Variants in TOR2A observed in about 807,000 individuals in gnomAD.
TOR2A encodes prosalusin.
In TOR2A, 24 loss-of-function variants were observed where a neutral mutation model predicts 28.6. The observed-to-expected ratio is 0.84, with a 90% CI of 0.61 to 1.18. TOR2A has a LOEUF of 1.18. Among genes scored for constraint, TOR2A ranks in the 50% most tolerant of loss-of-function variants. The pLI, the probability that TOR2A is intolerant of heterozygous loss-of-function variation, is 0.00. For missense variants in TOR2A, 426 were observed against 448.1 expected, an observed-to-expected ratio of 0.95 and a Z score of 0.45; for synonymous variants, 203 against 203.1, an observed-to-expected ratio of 1.00 and a Z score of 0.00.
rs1402331715 is a variant in TOR2A, at chr9:127,734,280, A to C, written c.417+19T>G. 1.3e-6 allele frequency: 2 copies of C among 1,558,968 alleles called. No individual in the cohort carries two copies. The highest frequency in any genetic ancestry group is 1.7e-6 in the Non-Finnish European group (2 of 1,149,710). Reference sequence around the variant, plus strand: ...GCACCCCATGGTGAGAACAGTGGTCAAGGACGCATCCAGCCTACCTTGTAG... The same window carrying C: ...GCACCCCATGGTGAGAACAGTGGTCCAGGACGCATCCAGCCTACCTTGTAG... On this transcript the variant is annotated intron_variant, in intron 2 of 4. Transcript: ENST00000373284.
chr9:127,733,167 C>T (rs763481194), intron 3 of TOR2A: 6 of 1,558,200 alleles, frequency 3.9e-6, no homozygotes, highest in East Asian at 2.3e-5. Context: ...AAAGAAGTGG[C>T]GATCAAAAAG....
At chr9:127,732,498 C>T (rs1159749916) in intron 4 of TOR2A, 66 bp downstream of exon 4, 27 of 1,500,222 alleles carry the variant, frequency 1.8e-5, no homozygotes, top group South Asian at 2.6e-5. Context: ...CATGAGACCC[C>T]GGGAGAGCCT....
intron 2 of TOR2A, chr9:127,733,796 G>C (rs1844570942): frequency 1.8e-6 from 1 of 567,068 alleles, no homozygotes; most frequent in Non-Finnish European, 3.1e-6. Flanking sequence ...TCCCTGTTCA[G>C]AGCTCCTTCC....
At chr9:127,732,511 C>G in intron 4 of TOR2A, 53 bp downstream of exon 4, 1 of 1,525,730 alleles carries the variant, frequency 6.6e-7, no homozygotes, top group Non-Finnish European at 8.8e-7. Context: ...GAGAGCCTGG[C>G]CCCTGGGTGT....
Position 127,735,113 on chromosome 9 carries a change from G to A in TOR2A, c.151+7C>T. The A allele has an allele frequency of 6.8e-7, 1 of 1,469,046 alleles. No homozygotes were observed. The highest frequency in any genetic ancestry group is 2.4e-5 in the Admixed American group (1 of 41,928). The allele number at this position is 1,469,046 out of a possible 1,614,324, so 91.0% of individuals were successfully genotyped here. On this transcript the variant is annotated splice_region_variant and intron_variant, in intron 1 of 4. Coordinates refer to ENST00000373284, the MANE Select transcript of TOR2A (RefSeq NM_001085347.3). ...CGCCCCTCGCTCCGGGCTCCCTGGC[G>A]CCTCACCCGGCAAGTCGGGCCGGAA...
At chr9:127,734,246 C>T in intron 2 of TOR2A, 53 bp downstream of exon 2, 1 of 1,523,214 alleles carries the variant, frequency 6.6e-7, no homozygotes, top group Non-Finnish European at 8.8e-7. Flanking sequence ...GGACTTACTC[C>T]CTAGGGTGGC....
At position 127,732,237 on chromosome 9, in the gene TOR2A, C is replaced by A; in HGVS notation, c.763G>T (p.Asp255Tyr). Residue 255 changes from aspartate (D) to tyrosine (Y), a missense_variant, in exon 5 of 5, where the codon GAC becomes TAC. Physicochemically the swap from Asp to Tyr is radical, Grantham distance 160. Coordinates refer to ENST00000373284, the MANE Select transcript of TOR2A (RefSeq NM_001085347.3). ...AGCGGGAGGAAGGGCACCACTGCGT[C>A]TAGGAGGCGCTCTTCCATGATGCCC... ...NSGIMEERLL[D>Y]AVVPFLPLQR... is the part of the protein sequence containing the mutation. 1.3e-6 allele frequency: 2 copies of A among 1,597,260 alleles called. No homozygotes were observed. The highest frequency in any genetic ancestry group is 1.7e-6 in the Non-Finnish European group (2 of 1,169,110).
rs560339925 is a variant in TOR2A at position 127,735,291 on chromosome 9, T to C, written c.-21A>G. ...GCCATCCGGGTGAGGCCCGAGCTCG[T>C]TGTGGGGCAGTCAACTGCCTCGCCC... On this transcript the variant is annotated 5_prime_UTR_variant, in exon 1 of 5. Coordinates refer to ENST00000373284, the MANE Select transcript of TOR2A (RefSeq NM_001085347.3). The C allele has an allele frequency of 2.9e-4, 397 of 1,366,100 alleles. No individual in the cohort carries two copies. In the African/African-American group the frequency reaches 5.6e-3, roughly 19 times the overall value. 84.6% of individuals were successfully genotyped at this position (1,366,100 alleles called of 1,614,324 possible).
At chr9:127,733,897 G>T in intron 2 of TOR2A, 2 of 418,940 alleles carry the variant, frequency 4.8e-6, no homozygotes, top group East Asian at 8.0e-5. Flanking sequence ...TGATCAGCCT[G>T]GTGGGTACCC....
chr9:127,731,719 T>G lies in TOR2A; in HGVS notation c.*315A>C. ...CGACCAAGGAGGCAAGGGGCAAGGG[T>G]GGCAGACTGAGGAGGGAGCACCGCC... On this transcript the variant is annotated 3_prime_UTR_variant, in exon 5 of 5. Coordinates refer to ENST00000373284, the MANE Select transcript of TOR2A (RefSeq NM_001085347.3). The G allele has an allele frequency of 1.5e-6, 1 of 660,908 alleles. No individual in the cohort carries two copies. The highest frequency in any genetic ancestry group is 2.4e-6 in the Non-Finnish European group (1 of 422,704). The allele number at this position is 660,908 out of a possible 1,614,324, so 40.9% of individuals were successfully genotyped here. A position where few individuals can be genotyped will look rare whatever the true frequency, so the allele number is the denominator to read the frequency against.
intron 4 of TOR2A, 32 bp downstream of exon 4, chr9:127,732,532 T>A: frequency 6.5e-7 from 1 of 1,549,988 alleles, no homozygotes; most frequent in Non-Finnish European, 8.7e-7. Flanking sequence ...GGGGTGAAGC[T>A]GCCCGGGAGG....
chr9:127,733,770 A>C, intron 2 of TOR2A: 1 of 577,524 alleles, frequency 1.7e-6, no homozygotes, highest in Non-Finnish European at 3.0e-6. Context: ...AGGGACTCAA[A>C]CCCAAGCCTC....
intron 2 of TOR2A, 142 bp downstream of exon 2, chr9:127,734,157 T>G: frequency 2.7e-6 from 3 of 1,128,156 alleles, no homozygotes; most frequent in South Asian, 1.9e-5. Context: ...CCTTCCCAAG[T>G]TCTGTGCAGG....
Position 127,733,017 on chromosome 9 carries a change from G to A in TOR2A, c.594-326C>T, listed in dbSNP as rs576769169. The stretch of plus-strand genomic sequence containing the variant: ...GCAGAGACAGAGGCTCAGAGAGGCG[G>A]AGCCATGCTGCCTGAGGAAACACAG... On this transcript the variant is annotated intron_variant, in intron 3 of 4. Coordinates refer to ENST00000373284, the MANE Select transcript of TOR2A (RefSeq NM_001085347.3). The A allele has an allele frequency of 1.0e-5, 14 of 1,391,912 alleles. No individual in the cohort carries two copies. The African/African-American group carries it at 1.5e-4, about 14-fold the overall frequency. 86.2% of individuals were successfully genotyped at this position (1,391,912 alleles called of 1,614,324 possible).
rs1210954393 is a variant in TOR2A, at chr9:127,731,833, AG to A, written c.*200del. 1.2e-5 allele frequency: 14 copies of A among 1,126,058 alleles called. No individual in the cohort carries two copies. Among genetic ancestry groups the A allele is most frequent in the Non-Finnish European group, 1.7e-5 (14 of 817,356 alleles). The allele number at this position is 1,126,058 out of a possible 1,614,324, so 69.8% of individuals were successfully genotyped here. A position where few individuals can be genotyped will look rare whatever the true frequency, so the allele number is the denominator to read the frequency against. ...GGCTCAGTGAGGTTCTGGGGTGACC[AG>A]GGGTTTCCCTGGGGAAGGTGGCCGG... On this transcript the variant is annotated 3_prime_UTR_variant, in exon 5 of 5. Coordinates refer to ENST00000373284, the MANE Select transcript of TOR2A (RefSeq NM_001085347.3).
chr9:127,734,427 T>C lies in TOR2A; in HGVS notation c.289A>G (p.Thr97Ala). ...AGGGAGCTGACATAGGATTTGCCGG[T>C]GCCGGTCCAGCCGTGCAGGGAGAGG... ...LVLSLHGWTG[T>A]GKSYVSSLLA... Residue 97 changes from threonine (T) to alanine (A), a missense_variant, in exon 2 of 5, where the codon ACC (threonine) becomes GCC (alanine). Coordinates refer to ENST00000373284, the MANE Select transcript of TOR2A (RefSeq NM_001085347.3). The C allele has an allele frequency of 6.2e-7, 1 of 1,612,468 alleles. No homozygotes were observed. The highest frequency in any genetic ancestry group is 2.2e-5 in the East Asian group (1 of 44,776).
Position 127,733,319 on chromosome 9 carries a change from A to C in TOR2A, c.593+66T>G, listed in dbSNP as rs1396806235. The C allele has an allele frequency of 3.1e-6, 5 of 1,613,438 alleles. No homozygotes were observed. In the East Asian group the frequency reaches 6.7e-5, roughly 22 times the overall value. ...TGGATTCTGCTGGGAGCACAGGCTA[A>C]GGCTGTAGAGCTGAACCTCTGAGAA... is the stretch of plus-strand genomic sequence containing the variant. On this transcript the variant is annotated intron_variant, in intron 3 of 4. Coordinates refer to ENST00000373284, the MANE Select transcript of TOR2A (RefSeq NM_001085347.3).
chr9:127,733,479 G>A lies in TOR2A; in HGVS notation c.499C>T (p.Pro167Ser), dbSNP rs1564402157. 1.9e-6 allele frequency: 3 copies of A among 1,613,934 alleles called. No individual in the cohort carries two copies. The highest frequency in any genetic ancestry group is 1.7e-5 in the Admixed American group (1 of 60,022). Residue 167 changes from proline (P) to serine (S), a missense_variant, in exon 3 of 5, where the codon CCC becomes TCC. Physicochemically the swap from Pro to Ser is moderately conservative, Grantham distance 74. Transcript: ENST00000373284. ...LFLFDEMDKM[P>S]PGLMEVLRPF... ...CGCAGGACTTCCATCAGGCCTGGGG[G>A]CATCTTGTCCATCTCATCGAAGAGG...
In TOR2A at chr9:127,734,534, G is replaced by A. The variant is rs1844607227; in HGVS notation, c.182C>T (p.Ala61Val). ...CAGCGCCTTGGCCAGATGCTGGCCG[G>A]CCAGGTGCTGAGCCAGGTCACACTC... ...GLECDLAQHL[A>V]GQHLAKALVV... Residue 61 changes from alanine to valine, a missense_variant, in exon 2 of 5, where the codon GCC becomes GTC. Transcript: ENST00000373284. 1 of 1,530,798 alleles carries A rather than the reference G, an allele frequency of 6.5e-7. No individual in the cohort carries two copies. Among genetic ancestry groups the A allele is most frequent in the African/African-American group, 1.4e-5 (1 of 72,304 alleles). The allele number at this position is 1,530,798 out of a possible 1,614,324, so 94.8% of individuals were successfully genotyped here.
Sources: gnomAD v4.1 joint callset for allele counts on GRCh38, gnomAD v4.1.1 for gene constraint, MANE v1.5 for transcripts, NCBI Gene and HGNC (gene_info 2026-07-23, HGNC 2026-07-21) for gene names.